The following SHB variants were observed in gnomAD, a reference collection of about 807,000 sequenced individuals.
The protein encoded by SHB is SH2 domain containing adaptor protein B, also known as SH2 domain-containing adapter protein B.
Under a neutral mutation model 52.3 loss-of-function variants are expected in SHB, and 20 were observed. The observed-to-expected ratio is 0.38, with a 90% CI of 0.27 to 0.56. SHB has a LOEUF of 0.56. Ranked by LOEUF, SHB falls within the 20% of genes least tolerant of loss-of-function variation. The pLI, the probability that SHB is intolerant of heterozygous loss-of-function variation, is 0.71. For missense variants in SHB, 825 were observed against 723.3 expected (o/e 1.14, Z -1.61); for synonymous variants, 397 against 316.5 (o/e 1.25, Z -2.70).
chr9:38,004,712 A>T (rs184242979), intron 2 of SHB, among the ~76,000 whole-genome samples: 1 of 152,208 alleles, frequency 6.6e-6, no homozygotes, highest in South Asian at 2.1e-4. Context: ...AGCTTCACGG[A>T]GGGCTGTGTG....
intron 1 of SHB, among the ~76,000 whole-genome samples, chr9:38,060,896 AG>A (rs1348934814): frequency 1.3e-5 from 2 of 152,204 alleles, no homozygotes; most frequent in South Asian, 2.1e-4. Flanking sequence ...TAAGCTTTTC[AG>A]GGGCGGGCAC....
intron 2 of SHB, among the ~76,000 whole-genome samples, chr9:38,010,917 C>T (rs1213898104): frequency 1.3e-5 from 2 of 152,244 alleles, no homozygotes; most frequent in Admixed American, 1.3e-4. Context: ...GAGAATTCAA[C>T]AGCACAGCAT....
intron 5 of SHB, among the ~76,000 whole-genome samples, chr9:37,922,868 C>T (rs913671360): frequency 3.0e-4 from 46 of 152,288 alleles, no homozygotes; most frequent in African/African-American, 1.1e-3. Context: ...GGGGTACTTC[C>T]AGCCCTAGAT....
intron 1 of SHB, among the ~76,000 whole-genome samples, chr9:38,040,684 G>A (rs996907103): frequency 1.2e-4 from 19 of 152,102 alleles, no homozygotes; most frequent in Admixed American, 7.9e-4. Context: ...ACGGTGGGGG[G>A]GCTGCAAGTG....
In SHB at chr9:38,068,389, G is replaced by T; in HGVS notation, c.257C>A (p.Ala86Glu). ...GTCCTCGAAGTCTCGCTCCTTCTGC[G>T]CGCGGTAGGCGCGGATGAGGTCGCT... ...STSDLIRAYR[A>E]QKERDFEDPY... The change falls in exon 1 of 6, where the codon GCG (alanine) becomes GAG (glutamate). Residue 86 changes from alanine (A) to glutamate (E), a missense_variant. By Grantham distance (107) the Ala-to-Glu change is moderately radical. Coordinates refer to ENST00000377707, the MANE Select transcript of SHB (RefSeq NM_003028.3). 1 of 1,574,546 alleles carries T rather than the reference G, an allele frequency of 6.4e-7. No homozygotes were observed. Among genetic ancestry groups the T allele is most frequent in the Non-Finnish European group, 8.6e-7 (1 of 1,164,006 alleles).
At chr9:38,039,639 CCT>C (rs1404268040) in intron 1 of SHB, among the ~76,000 whole-genome samples, 9 of 152,354 alleles carry the variant, frequency 5.9e-5, no homozygotes, top group African/African-American at 2.2e-4. Flanking sequence ...TCCTGAACAA[CCT>C]CTTTAACTTG....
chr9:37,948,886 T>A, intron 4 of SHB, 132 bp from the exon 5 acceptor site: 1 of 1,177,070 alleles, frequency 8.5e-7, no homozygotes, highest in Non-Finnish European at 1.2e-6. Flanking sequence ...ATTCCATGGG[T>A]ACCCACTGCC....
chr9:37,958,939 T>G (rs552818030), intron 3 of SHB, among the ~76,000 whole-genome samples: 1 of 152,146 alleles, frequency 6.6e-6, no homozygotes, highest in Admixed American at 6.5e-5. Flanking sequence ...ATGGGTGACC[T>G]TGGGCAGGGG....
intron 5 of SHB, among the ~76,000 whole-genome samples, chr9:37,930,922 GA>G (rs1832304885): frequency 6.6e-6 from 1 of 152,148 alleles, no homozygotes; most frequent in Admixed American, 6.6e-5. Context: ...CAGACACATA[GA>G]CCAGTGAAAC....
At chr9:38,016,843 C>T (rs946956015) in intron 1 of SHB, among the ~76,000 whole-genome samples, 32 of 152,222 alleles carry the variant, frequency 2.1e-4, no homozygotes, top group Admixed American at 1.6e-3. Context: ...AGATCTTCTG[C>T]CTCCCAGGGC....
intron 1 of SHB, among the ~76,000 whole-genome samples, chr9:38,030,721 T>C (rs1056254310): frequency 6.6e-6 from 1 of 152,186 alleles, no homozygotes; most frequent in Admixed American, 6.5e-5. Context: ...TTTTGTGGGA[T>C]GGGCCCTGCA....
At chr9:38,059,079 C>T (rs552855460) in intron 1 of SHB, among the ~76,000 whole-genome samples, 1 of 152,334 alleles carries the variant, frequency 6.6e-6, no homozygotes, top group Admixed American at 6.5e-5. Flanking sequence ...CTAAACAGAA[C>T]AATCCCCAAC....
intron 1 of SHB, among the ~76,000 whole-genome samples, chr9:38,053,458 A>T (rs1821777841): frequency 6.6e-6 from 1 of 152,044 alleles, no homozygotes; most frequent in Admixed American, 6.5e-5. Context: ...AGGATGGTCT[A>T]CATCTCCTGA....
chr9:37,994,701 T>C (rs927505833), intron 2 of SHB, among the ~76,000 whole-genome samples: 11 of 152,264 alleles, frequency 7.2e-5, no homozygotes, highest in African/African-American at 1.9e-4. Flanking sequence ...ATGAGGAATA[T>C]ACATAGAGTG....
At chr9:38,032,439 T>G (rs557159771) in intron 1 of SHB, among the ~76,000 whole-genome samples, 1 of 152,302 alleles carries the variant, frequency 6.6e-6, no homozygotes, top group South Asian at 2.1e-4. Context: ...GGAAGAGATC[T>G]CTGAAGGGAA....
chr9:37,978,652 T>G (rs1435542539), intron 2 of SHB, among the ~76,000 whole-genome samples: 1 of 152,230 alleles, frequency 6.6e-6, no homozygotes, highest in Non-Finnish European at 1.5e-5. Context: ...GCTCCTTGCC[T>G]GGGCATTGGT....
chr9:37,937,080 C>T (rs1446585658), intron 5 of SHB, among the ~76,000 whole-genome samples: 1 of 152,220 alleles, frequency 6.6e-6, no homozygotes, highest in Non-Finnish European at 1.5e-5. Context: ...TTTCTTTCTC[C>T]CTCGCTTTGT....
intron 4 of SHB, among the ~76,000 whole-genome samples, chr9:37,951,837 C>T (rs1264051646): frequency 6.6e-6 from 1 of 152,232 alleles, no homozygotes; most frequent in South Asian, 2.1e-4. Context: ...GGGGCCGGGC[C>T]GGCACTGGCC....
At chr9:38,008,131 G>A (rs1041247874) in intron 2 of SHB, among the ~76,000 whole-genome samples, 4 of 152,204 alleles carry the variant, frequency 2.6e-5, no homozygotes, top group East Asian at 1.9e-4. Context: ...AGCCCACAGC[G>A]GGGGTGCTAT....
Sources: gnomAD v4.1 joint callset for allele counts (sites outside exome capture counted in the v4.1 genomes callset) on GRCh38, gnomAD v4.1.1 for gene constraint, MANE v1.5 for transcripts, NCBI Gene and HGNC (gene_info 2026-07-23, HGNC 2026-07-21) for gene names.